Variants in ARB2A observed in about 807,000 individuals in gnomAD.
The protein encoded by ARB2A is cotranscriptional regulator ARB2A.
chr5:93,955,973 A>G, the ARB2A span, among the ~76,000 whole-genome samples: 1 of 152,240 alleles, frequency 6.6e-6, no homozygotes, highest in Non-Finnish European at 1.5e-5. Flanking sequence ...AGTATGAGTA[A>G]CTCTAAAGCT....
At chr5:93,744,801 C>T in the ARB2A span, among the ~76,000 whole-genome samples, 4 of 152,280 alleles carry the variant, frequency 2.6e-5, no homozygotes, top group East Asian at 7.7e-4. Flanking sequence ...AATCCACCAC[C>T]TTCAACAAAA....
At chr5:94,011,936 C>CAAAAAAAA in the ARB2A span, among the ~76,000 whole-genome samples, 2 of 30,200 alleles carry the variant, frequency 6.6e-5, no homozygotes, top group African/African-American at 1.2e-4. Flanking sequence ...AAAGGGTAGA[C>CAAAAAAAA]AAAAAAAAAA....
At chr5:93,960,082 C>CCG in the ARB2A span, among the ~76,000 whole-genome samples, 2,163 of 35,368 alleles carry the variant, frequency 0.061, 121 homozygotes, top group South Asian at 0.074. Flanking sequence ...ACTCTAGATG[C>CCG]CCCCCCCCCC....
chr5:94,083,237 A>G, the ARB2A span, among the ~76,000 whole-genome samples: 1 of 152,174 alleles, frequency 6.6e-6, no homozygotes, highest in East Asian at 1.9e-4. Context: ...TTTCTACATA[A>G]GCACAAAATG....
chr5:94,043,907 T>C, the ARB2A span, among the ~76,000 whole-genome samples: 1 of 152,218 alleles, frequency 6.6e-6, no homozygotes, highest in Non-Finnish European at 1.5e-5. Flanking sequence ...CAAAGTATAA[T>C]AAAGCAAATT....
the ARB2A span, among the ~76,000 whole-genome samples, chr5:93,708,053 C>T: frequency 1.3e-5 from 2 of 152,128 alleles, no homozygotes; most frequent in African/African-American, 2.4e-5. Flanking sequence ...TAATTGTTAA[C>T]ATTTTGCCAC....
At chr5:93,782,526 C>CAAAA in the ARB2A span, among the ~76,000 whole-genome samples, 2 of 152,108 alleles carry the variant, frequency 1.3e-5, no homozygotes, top group Non-Finnish European at 2.9e-5. Flanking sequence ...CACCCCGTTT[C>CAAAA]CCTTTGTAAG....
chr5:93,876,474 C>T, the ARB2A span, among the ~76,000 whole-genome samples: 4 of 152,044 alleles, frequency 2.6e-5, no homozygotes, highest in African/African-American at 9.7e-5. Context: ...ATCTCTCATG[C>T]TCTGCTCCTA....
chr5:93,878,614 G>C, the ARB2A span, among the ~76,000 whole-genome samples: 4 of 151,778 alleles, frequency 2.6e-5, no homozygotes, highest in African/African-American at 9.7e-5. Context: ...CATACTATTT[G>C]TAGAGAATAT....
the ARB2A span, among the ~76,000 whole-genome samples, chr5:93,828,199 TGA>T: frequency 2.0e-5 from 3 of 152,194 alleles, no homozygotes; most frequent in Non-Finnish European, 2.9e-5. Context: ...GCCACTTTCA[TGA>T]TACTGATTCT....
At chr5:93,731,997 A>G in the ARB2A span, among the ~76,000 whole-genome samples, 1 of 152,224 alleles carries the variant, frequency 6.6e-6, no homozygotes, top group Non-Finnish European at 1.5e-5. Context: ...CCAAGGTTCA[A>G]GACCGAAGTA....
At chr5:93,958,012 T>C in the ARB2A span, among the ~76,000 whole-genome samples, 1 of 152,014 alleles carries the variant, frequency 6.6e-6, no homozygotes, top group South Asian at 2.1e-4. Context: ...ATTCACACTT[T>C]GCAAAATTGG....
At chr5:93,856,377 T>C in the ARB2A span, among the ~76,000 whole-genome samples, 1 of 152,226 alleles carries the variant, frequency 6.6e-6, no homozygotes, top group Non-Finnish European at 1.5e-5. Context: ...TGCAGAGTGT[T>C]TTCCAACTGG....
the ARB2A span, among the ~76,000 whole-genome samples, chr5:94,110,675 A>C: frequency 0.12 from 18,017 of 152,286 alleles, 1,178 homozygotes; most frequent in Middle Eastern, 0.16. Flanking sequence ...CTTATCAATG[A>C]GATATTTGTT....
chr5:93,953,602 C>T, the ARB2A span, among the ~76,000 whole-genome samples: 4 of 152,260 alleles, frequency 2.6e-5, no homozygotes, highest in Non-Finnish European at 5.9e-5. Context: ...GACCTGAAGC[C>T]AGTATGGTAC....
chr5:94,010,348 T>G, the ARB2A span, among the ~76,000 whole-genome samples: 1 of 152,130 alleles, frequency 6.6e-6, no homozygotes, highest in African/African-American at 2.4e-5. Context: ...AACAATAAAA[T>G]TGGAGACTTT....
chr5:93,781,867 A>C, the ARB2A span: 21 of 985,180 alleles, frequency 2.1e-5, no homozygotes, highest in Admixed American at 6.2e-5. Context: ...AAAACAAAAA[A>C]CTTTCCAACA....
At chr5:94,022,921 G>A in the ARB2A span, among the ~76,000 whole-genome samples, 5 of 152,200 alleles carry the variant, frequency 3.3e-5, no homozygotes, top group African/African-American at 1.2e-4. Flanking sequence ...CTGCTTTTGT[G>A]AGGGATTTGA....
the ARB2A span, among the ~76,000 whole-genome samples, chr5:93,695,809 G>C: frequency 1.3e-5 from 2 of 152,142 alleles, no homozygotes; most frequent in Non-Finnish European, 2.9e-5. Flanking sequence ...TGACAGAGTG[G>C]ATAAAGAAAA....
Sources: gnomAD v4.1 joint callset for allele counts (sites outside exome capture counted in the v4.1 genomes callset) on GRCh38, gnomAD v4.1.1 for gene constraint, MANE v1.5 for transcripts, NCBI Gene and HGNC (gene_info 2026-07-23, HGNC 2026-07-21) for gene names.